Variants in PCDH15 observed in about 807,000 individuals in gnomAD.
The protein encoded by PCDH15 is protocadherin related 15.
In PCDH15, 129 loss-of-function variants were observed where a neutral mutation model predicts 178.5. The ratio of observed to expected loss-of-function variants is 0.72; its 90% CI spans 0.63 to 0.84. The LOEUF is 0.84. Ranked by LOEUF, PCDH15 falls within the 40% of genes least tolerant of loss-of-function variation. The probability of loss-of-function intolerance (pLI) is 0.00; values close to 1 mark genes in which losing one functional copy is unlikely to be tolerated. For missense variants in PCDH15, 2,230 were observed against 2,099.9 expected, an observed-to-expected ratio of 1.06 and a Z score of -1.21; for synonymous variants, 800 against 732.0, an observed-to-expected ratio of 1.09 and a Z score of -1.50.
At chr10:54,815,100 T>C (rs1429495682) in intron 3 of PCDH15, among the ~76,000 whole-genome samples, 5 of 151,932 alleles carry the variant, frequency 3.3e-5, no homozygotes, top group Non-Finnish European at 2.9e-5. Flanking sequence ...GTTTGGACTG[T>C]GCAGGTCCAC....
chr10:54,823,460 T>A, intron 3 of PCDH15, among the ~76,000 whole-genome samples: 1 of 152,166 alleles, frequency 6.6e-6, no homozygotes, highest in East Asian at 1.9e-4. Flanking sequence ...AACACTGTTC[T>A]GAGCAATTCA....
intron 2 of PCDH15, among the ~76,000 whole-genome samples, chr10:55,621,536 A>G (rs1837387771): frequency 6.6e-6 from 1 of 152,200 alleles, no homozygotes; most frequent in Non-Finnish European, 1.5e-5. Context: ...ACCTCCTGTC[A>G]GAACTCAGAG....
At chr10:55,246,988 T>C (rs1473777173) in intron 1 of PCDH15, among the ~76,000 whole-genome samples, 1 of 152,182 alleles carries the variant, frequency 6.6e-6, no homozygotes, top group African/African-American at 2.4e-5. Flanking sequence ...TCTTTTTCTA[T>C]GTTGATTAAC....
intron 2 of PCDH15, among the ~76,000 whole-genome samples, chr10:55,146,516 T>A (rs1224326901): frequency 6.6e-6 from 1 of 151,948 alleles, no homozygotes; most frequent in Admixed American, 6.6e-5. Context: ...AAAAGTTTCC[T>A]GATGTAGCCC....
intron 2 of PCDH15, among the ~76,000 whole-genome samples, chr10:55,066,977 T>C (rs1477326928): frequency 6.6e-6 from 1 of 151,944 alleles, no homozygotes; most frequent in East Asian, 1.9e-4. Context: ...GTGCTCTAAC[T>C]TGATCATTAC....
chr10:54,227,170 T>C (rs1418159244), intron 9 of PCDH15, among the ~76,000 whole-genome samples: 1 of 152,210 alleles, frequency 6.6e-6, no homozygotes, highest in Non-Finnish European at 1.5e-5. Context: ...TGACCCCAAG[T>C]TTCCCTCCTG....
chr10:54,537,165 A>C (rs1048313432), intron 2 of PCDH15, among the ~76,000 whole-genome samples: 35 of 151,560 alleles, frequency 2.3e-4, no homozygotes, highest in African/African-American at 7.8e-4. Context: ...TGCCCAGCTA[A>C]TTTTTTTGTA....
At chr10:55,170,420 A>G (rs1470089831) in intron 1 of PCDH15, among the ~76,000 whole-genome samples, 3 of 152,102 alleles carry the variant, frequency 2.0e-5, no homozygotes, top group Non-Finnish European at 4.4e-5. Flanking sequence ...AAGTGCTATG[A>G]TTACAGGAAT....
At chr10:55,094,283 T>C (rs1039648859) in intron 2 of PCDH15, among the ~76,000 whole-genome samples, 1 of 151,572 alleles carries the variant, frequency 6.6e-6, no homozygotes, top group African/African-American at 2.4e-5. Flanking sequence ...GAGCAAACTA[T>C]CGCAAGGACA....
At chr10:54,582,982 A>C (rs112900940) in intron 2 of PCDH15, among the ~76,000 whole-genome samples, 3,122 of 152,218 alleles carry the variant, frequency 0.021, 112 homozygotes, top group African/African-American at 0.071. Flanking sequence ...AAAGATACAC[A>C]TATTTCAGTT....
intron 2 of PCDH15, among the ~76,000 whole-genome samples, chr10:54,908,954 T>G (rs1296817948): frequency 6.6e-6 from 1 of 151,902 alleles, no homozygotes; most frequent in Non-Finnish European, 1.5e-5. Context: ...GGTCATCCTG[T>G]CATCTCTTCA....
In PCDH15 at chr10:53,852,176, C is replaced by T. The variant is rs7896845; in HGVS notation, c.3806+4999G>A. 7.2e-3 allele frequency among the ~76,000 whole-genome samples: 1,092 copies of T among 152,052 alleles called. 10 individuals are homozygous for T. Among genetic ancestry groups the T allele is most frequent in the African/African-American group, 0.025 (1,032 of 41,504 alleles). On this transcript the variant is annotated intron_variant, in intron 28 of 37. Coordinates refer to ENST00000644397, the MANE Select transcript of PCDH15 (RefSeq NM_001384140.1). ...GTAGAAAGAAGTTATAAAATGCAAA[C>T]ATTTCATAGTTTCTTCTTTAGACAA...
intron 3 of PCDH15, among the ~76,000 whole-genome samples, chr10:54,879,899 T>C (rs1298684917): frequency 6.6e-6 from 1 of 152,068 alleles, no homozygotes; most frequent in Admixed American, 6.6e-5. Context: ...TCATGATTCC[T>C]TAATGTTAAC....
chr10:53,981,284 A>G (rs1022325999), intron 21 of PCDH15, among the ~76,000 whole-genome samples: 2 of 152,324 alleles, frequency 1.3e-5, no homozygotes, highest in East Asian at 1.9e-4. Flanking sequence ...GTTAAACACA[A>G]TATGTTTCGA....
At chr10:55,393,992 T>A (rs1436475737) in intron 2 of PCDH15, among the ~76,000 whole-genome samples, 1 of 151,980 alleles carries the variant, frequency 6.6e-6, no homozygotes, top group Non-Finnish European at 1.5e-5. Context: ...ACTTTTTTTT[T>A]CTCCAAATAT....
intron 1 of PCDH15, among the ~76,000 whole-genome samples, chr10:54,793,383 T>G (rs1360100490): frequency 6.6e-6 from 1 of 151,850 alleles, no homozygotes; most frequent in Non-Finnish European, 1.5e-5. Flanking sequence ...GTCTGGGTCT[T>G]AAAACTGCTG....
intron 2 of PCDH15, among the ~76,000 whole-genome samples, chr10:55,034,556 T>A (rs1285553751): frequency 6.6e-6 from 1 of 152,210 alleles, no homozygotes; most frequent in Admixed American, 6.5e-5. Context: ...CACAATTATT[T>A]CACTTTAGGC....
At chr10:54,584,224 AG>A (rs772046863) in intron 2 of PCDH15, among the ~76,000 whole-genome samples, 2 of 152,068 alleles carry the variant, frequency 1.3e-5, no homozygotes, top group African/African-American at 4.8e-5. Context: ...CTCTATAAAA[AG>A]GAAAACAATG....
chr10:54,051,560 T>C (rs2093775162), intron 18 of PCDH15, among the ~76,000 whole-genome samples: 1 of 152,134 alleles, frequency 6.6e-6, no homozygotes, highest in Admixed American at 6.6e-5. Flanking sequence ...TGAGAGAGAT[T>C]ATTTAAGGTA....
Sources: gnomAD v4.1 joint callset for allele counts (sites outside exome capture counted in the v4.1 genomes callset) on GRCh38, gnomAD v4.1.1 for gene constraint, MANE v1.5 for transcripts, NCBI Gene and HGNC (gene_info 2026-07-23, HGNC 2026-07-21) for gene names.